Variants in TLL2 observed in about 807,000 individuals in gnomAD.
TLL2 encodes the protein tolloid-like protein 2.
Under a neutral mutation model 123.0 loss-of-function variants are expected in TLL2, and 106 were observed. The observed-to-expected ratio is 0.86, with a 90% CI of 0.74 to 1.01. The LOEUF is 1.01. Among genes scored for constraint, TLL2 ranks in the 50% least tolerant of loss-of-function variants. The pLI is 0.00. For synonymous variants in TLL2, 494 were observed against 516.8 expected (o/e 0.96, Z 0.60); for missense variants, 1,332 against 1,336.7 (o/e 1.00, Z 0.06).
intron 2 of TLL2, among the ~76,000 whole-genome samples, chr10:96,453,596 C>A (rs1158398584): frequency 6.6e-6 from 1 of 152,138 alleles, no homozygotes; most frequent in Non-Finnish European, 1.5e-5. Flanking sequence ...AACTACATCC[C>A]CAACAGGGGT....
chr10:96,512,979 T>C (rs1173146166), intron 1 of TLL2, among the ~76,000 whole-genome samples: 2 of 152,278 alleles, frequency 1.3e-5, no homozygotes. Flanking sequence ...TATTCGAGTC[T>C]TGCTCATTCT....
intron 1 of TLL2, among the ~76,000 whole-genome samples, chr10:96,489,491 T>G (rs1034219269): frequency 6.6e-6 from 1 of 151,856 alleles, no homozygotes; most frequent in Admixed American, 6.6e-5. Context: ...ATGGTGTCAG[T>G]CCACTCCAGC....
chr10:96,423,072 G>A (rs951900702), intron 5 of TLL2, among the ~76,000 whole-genome samples: 1 of 148,986 alleles, frequency 6.7e-6, no homozygotes, highest in African/African-American at 2.5e-5. Flanking sequence ...AGGTTGCAGT[G>A]AGCCAAGATC....
At chr10:96,489,480 G>A (rs1403855728) in intron 1 of TLL2, among the ~76,000 whole-genome samples, 4 of 152,090 alleles carry the variant, frequency 2.6e-5, no homozygotes, top group African/African-American at 9.7e-5. Context: ...AGTGAGCCAT[G>A]ATGGTGTCAG....
chr10:96,458,027 A>C (rs1307001717), intron 2 of TLL2, among the ~76,000 whole-genome samples: 1 of 151,972 alleles, frequency 6.6e-6, no homozygotes, highest in African/African-American at 2.4e-5. Context: ...TGCCTGGCCT[A>C]TAAGAGGTGG....
intron 2 of TLL2, among the ~76,000 whole-genome samples, chr10:96,463,262 C>T (rs942158888): frequency 2.6e-5 from 4 of 152,314 alleles, no homozygotes; most frequent in Non-Finnish European, 4.4e-5. Flanking sequence ...CTGCAGCTTC[C>T]CACTGCGTCA....
rs189728403 is a variant in TLL2 at position 96,467,967 on chromosome 10, A to G, written c.286+12382T>C. Among the ~76,000 whole-genome samples the G allele has an allele frequency of 2.6e-5, 4 of 152,276 alleles. No individual in the cohort carries two copies. The East Asian group carries it at 7.7e-4, about 29-fold the overall frequency. The stretch of plus-strand genomic sequence containing the variant: ...GTATTAAGATGGCTGGTGAGAACTC[A>G]AAGTATTTTCCCATGACAACAGCAT... On this transcript the variant is annotated intron_variant, in intron 2 of 20. Transcript: ENST00000357947.
intron 2 of TLL2, among the ~76,000 whole-genome samples, chr10:96,447,430 AGT>A (rs1292094552): frequency 6.6e-6 from 1 of 152,220 alleles, no homozygotes; most frequent in African/African-American, 2.4e-5. Context: ...GAGCCTTGCA[AGT>A]GTCCGAGTGA....
rs1207024838 is a variant in TLL2, at chr10:96,379,236, G to T, written c.2195-144C>A. 8.4e-6 allele frequency: 9 copies of T among 1,067,504 alleles called. No individual in the cohort carries two copies. The African/African-American group carries it at 1.4e-4, about 17-fold the overall frequency. 66.1% of individuals were successfully genotyped at this position (1,067,504 alleles called of 1,614,324 possible). A position where few individuals can be genotyped will look rare whatever the true frequency, so the allele number is the denominator to read the frequency against. ...CCCTCTGATTGTTCCCTCACTGGAG[G>T]AGTGAAGTGGGAAGCATCTTCACCT... On this transcript the variant is annotated intron_variant, in intron 16 of 20. Transcript: ENST00000357947.
intron 20 of TLL2, among the ~76,000 whole-genome samples, chr10:96,369,485 G>A (rs539863980): frequency 3.3e-5 from 5 of 152,298 alleles, no homozygotes; most frequent in South Asian, 2.1e-4. Context: ...GAGTGGCTGC[G>A]CATGGTGGCT....
Position 96,370,241 on chromosome 10 carries a change from A to G in TLL2, c.2737T>C (p.Tyr913His). The G allele has an allele frequency of 6.2e-7, 1 of 1,613,486 alleles. No individual in the cohort carries two copies. The highest frequency in any genetic ancestry group is 8.5e-7 in the Non-Finnish European group (1 of 1,179,632). ...YSHAQFGDNNYPSEARCDWVI... is the reference protein window; with the variant it reads ...YSHAQFGDNNHPSEARCDWVI... ...CAGTCACAGCGGGCCTCGCTCGGGT[A>G]GTTGTTGTCCCCAAACTGGGCGTGG... Residue 913 changes from tyrosine (Y) to histidine (H), a missense_variant, in exon 20 of 21, where the codon TAC (tyrosine) becomes CAC (histidine). Coordinates refer to ENST00000357947, the MANE Select transcript of TLL2 (RefSeq NM_012465.4).
At position 96,476,258 on chromosome 10, in the gene TLL2, T is replaced by G. The variant is rs563086837; in HGVS notation, c.286+4091A>C. Among the ~76,000 whole-genome samples, 229 of 99,466 alleles carry G rather than the reference T, an allele frequency of 2.3e-3. 2 individuals are homozygous for G. The highest frequency in any genetic ancestry group is 7.5e-3 in the African/African-American group (220 of 29,266). The allele number at this position is 99,466 out of a possible 152,430, so 65.3% of individuals were successfully genotyped here. A position where few individuals can be genotyped will look rare whatever the true frequency, so the allele number is the denominator to read the frequency against. On this transcript the variant is annotated intron_variant, in intron 2 of 20. Coordinates refer to ENST00000357947, the MANE Select transcript of TLL2 (RefSeq NM_012465.4). ...TATATATATTTTATTTTTGTTGTTG[T>G]TGTTGTTGTTGAGACGGAGTCTCAC...
intron 17 of TLL2, 113 bp downstream of exon 17, chr10:96,378,854 C>G: frequency 7.0e-7 from 1 of 1,419,008 alleles, no homozygotes; most frequent in Non-Finnish European, 9.7e-7. Flanking sequence ...GGCCTCAGCT[C>G]AGAAGGTGGA....
At chr10:96,374,949 G>A (rs1846122799) in intron 18 of TLL2, among the ~76,000 whole-genome samples, 1 of 116,170 alleles carries the variant, frequency 8.6e-6, no homozygotes, top group Admixed American at 1.1e-4. Flanking sequence ...CAGGGAGACA[G>A]GACATTAGTT....
intron 4 of TLL2, among the ~76,000 whole-genome samples, chr10:96,432,500 G>A (rs1040501064): frequency 6.6e-6 from 1 of 152,142 alleles, no homozygotes; most frequent in Non-Finnish European, 1.5e-5. Context: ...TCTTCTATGC[G>A]GAGGGCTTGT....
chr10:96,449,188 G>A (rs1320841357), intron 2 of TLL2, among the ~76,000 whole-genome samples: 1 of 152,224 alleles, frequency 6.6e-6, no homozygotes, highest in Non-Finnish European at 1.5e-5. Context: ...AAAGCTCCAA[G>A]AGGTGAAATG....
chr10:96,440,117 T>C (rs1282708015), intron 3 of TLL2, among the ~76,000 whole-genome samples: 2 of 152,206 alleles, frequency 1.3e-5, no homozygotes, highest in Admixed American at 6.5e-5. Flanking sequence ...CTTCACCTTT[T>C]AGATGACCTA....
intron 4 of TLL2, among the ~76,000 whole-genome samples, chr10:96,429,670 C>G (rs985541309): frequency 2.0e-5 from 3 of 152,212 alleles, no homozygotes; most frequent in African/African-American, 7.2e-5. Context: ...TTCGCCCCCT[C>G]ATTTTCTTTT....
chr10:96,423,691 G>A (rs1216172265), intron 5 of TLL2, among the ~76,000 whole-genome samples: 1 of 152,140 alleles, frequency 6.6e-6, no homozygotes, highest in Non-Finnish European at 1.5e-5. Context: ...TGGGTAAAAG[G>A]ATATGTGCAT....
Sources: gnomAD v4.1 joint callset for allele counts (sites outside exome capture counted in the v4.1 genomes callset) on GRCh38, gnomAD v4.1.1 for gene constraint, MANE v1.5 for transcripts, NCBI Gene and HGNC (gene_info 2026-07-23, HGNC 2026-07-21) for gene names.